Variants in MEIS2 observed in about 807,000 individuals in gnomAD.
MEIS2 encodes homeobox protein Meis2.
MEIS2 carries 9 observed loss-of-function variants against 58.6 expected under a neutral mutation model. That is an observed-to-expected ratio of 0.15 (90% confidence interval 0.09 to 0.27). The LOEUF (loss-of-function observed/expected upper bound fraction) is 0.27, where lower values mean the gene tolerates loss of function less well. MEIS2 is among the 10% of genes least tolerant of loss of function. The pLI, the probability that MEIS2 is intolerant of heterozygous loss-of-function variation, is 1.00. For missense variants in MEIS2, 427 were observed against 635.0 expected (o/e 0.67, Z 3.52); for synonymous variants, 221 against 228.4 (o/e 0.97, Z 0.29).
intron 7 of MEIS2, among the ~76,000 whole-genome samples, chr15:37,045,366 A>G (rs541350808): frequency 2.8e-4 from 43 of 152,310 alleles, no homozygotes; most frequent in Non-Finnish European, 4.9e-4. Flanking sequence ...CAGGATTACA[A>G]CACACTAAGA....
chr15:36,952,607 CTGTGTGTGTGTGTGTGTG>C lies in MEIS2; in HGVS notation c.901-2225_901-2208del, dbSNP rs59061267. Among the ~76,000 whole-genome samples, 28 of 140,094 alleles carry C rather than the reference CTGTGTGTGTGTGTGTGTG, an allele frequency of 2.0e-4. No individual in the cohort carries two copies. In the South Asian group the frequency reaches 6.3e-3, roughly 32 times the overall value. 91.9% of individuals were successfully genotyped at this position (140,094 alleles called of 152,430 possible). ...AGAGTCTGTCTGTCTGTCTCTCTCTCTGTGTGTGTGTGTGTGTGTGTGTGTGTGTGTGTGTGTGTGTGC... is the reference window on the plus strand; with the variant it reads ...AGAGTCTGTCTGTCTGTCTCTCTCTCTGTGTGTGTGTGTGTGTGTGTGTGC... On this transcript the variant is annotated intron_variant, in intron 8 of 11. Transcript: ENST00000561208.
Position 36,890,381 on chromosome 15 carries a change from T to C in MEIS2, c.*1792A>G, listed in dbSNP as rs1671834215. ...AAATGGCATTATACCGTCCATTTTG[T>C]TTTGTTTTGTTTTCAGAAAAAAGTT... is the stretch of plus-strand genomic sequence containing the variant. On this transcript the variant is annotated 3_prime_UTR_variant, in exon 12 of 12. Coordinates refer to ENST00000561208, the MANE Select transcript of MEIS2 (RefSeq NM_170675.5). 1 of 152,078 alleles carries C rather than the reference T, an allele frequency of 6.6e-6. No individual in the cohort carries two copies. Among genetic ancestry groups the C allele is most frequent in the Admixed American group, 6.6e-5 (1 of 15,242 alleles). The allele number at this position is 152,078 out of a possible 1,614,324, so 9.4% of individuals were successfully genotyped here.
Position 36,892,335 on chromosome 15 carries a change from T to G in MEIS2, c.1272A>C (p.Pro424=), listed in dbSNP as rs1367092545. ...PHPTQLRHGP[P]MHSYLPSHPH... is the part of the protein sequence containing the mutation. ...GATGGCTTGGCAAATATGAATGCATTGGGGGTCCATGTCTTAATTGAGTAG... is the reference window on the plus strand; with the variant it reads ...GATGGCTTGGCAAATATGAATGCATGGGGGGTCCATGTCTTAATTGAGTAG... Residue 424 remains proline, a synonymous_variant, in exon 12 of 12, where the codon CCA becomes CCC. Transcript: ENST00000561208. 2.5e-6 allele frequency: 4 copies of G among 1,613,798 alleles called. No homozygotes were observed. Among genetic ancestry groups the G allele is most frequent in the Non-Finnish European group, 3.4e-6 (4 of 1,179,916 alleles).
chr15:36,943,838 C>A (rs1435487997), intron 9 of MEIS2, among the ~76,000 whole-genome samples: 2 of 151,942 alleles, frequency 1.3e-5, no homozygotes, highest in Admixed American at 1.3e-4. Context: ...CCTTTGAGTC[C>A]CCTCGCTGGC....
At chr15:37,092,662 C>T (rs566555612) in intron 6 of MEIS2, among the ~76,000 whole-genome samples, 1 of 104,314 alleles carries the variant, frequency 9.6e-6, no homozygotes, top group South Asian at 3.5e-4. Flanking sequence ...CTTCTCTTTG[C>T]TTCTTTTTCA....
At chr15:37,084,682 A>G (rs772560692) in intron 6 of MEIS2, among the ~76,000 whole-genome samples, 1 of 152,168 alleles carries the variant, frequency 6.6e-6, no homozygotes, top group Non-Finnish European at 1.5e-5. Context: ...GCAAACCAAG[A>G]GTTATAGCTC....
chr15:37,037,946 C>T (rs1221706742), intron 7 of MEIS2, among the ~76,000 whole-genome samples: 1 of 152,132 alleles, frequency 6.6e-6, no homozygotes, highest in Non-Finnish European at 1.5e-5. Flanking sequence ...ATGAAGAATA[C>T]GGGGACAGCA....
Position 37,083,737 on chromosome 15 carries a change from C to G in MEIS2, c.754+34G>C. ...AATACTGAAGTTATTTTAGTCATGC[C>G]TACTTTGCACGAGGAAAATGTTTGA... On this transcript the variant is annotated intron_variant, in intron 7 of 11. Coordinates refer to ENST00000561208, the MANE Select transcript of MEIS2 (RefSeq NM_170675.5). The G allele has an allele frequency of 6.4e-6, 10 of 1,570,246 alleles. No individual in the cohort carries two copies. In the Middle Eastern group the frequency reaches 1.7e-3, roughly 265 times the overall value.
intron 9 of MEIS2, among the ~76,000 whole-genome samples, chr15:36,905,954 A>G (rs1041486551): frequency 1.3e-5 from 2 of 152,240 alleles, no homozygotes; most frequent in Non-Finnish European, 2.9e-5. Context: ...CATGAAGTCA[A>G]TTAAAGAAGT....
intron 7 of MEIS2, among the ~76,000 whole-genome samples, chr15:37,053,147 A>T (rs11858047): frequency 0.21 from 32,691 of 152,142 alleles, 3,649 homozygotes; most frequent in East Asian, 0.28. Flanking sequence ...TACCTGTGGT[A>T]AACCAGCCTA....
At chr15:36,943,024 C>T (rs956548363) in intron 9 of MEIS2, among the ~76,000 whole-genome samples, 1 of 151,888 alleles carries the variant, frequency 6.6e-6, no homozygotes, top group African/African-American at 2.4e-5. Flanking sequence ...TTTGAAAATT[C>T]CTTTTTTAAA....
At chr15:37,029,169 TA>T (rs2061816815) in intron 8 of MEIS2, among the ~76,000 whole-genome samples, 1 of 152,144 alleles carries the variant, frequency 6.6e-6, no homozygotes, top group Non-Finnish European at 1.5e-5. Context: ...AGGCTAAGGC[TA>T]GGGGCGGCCC....
intron 3 of MEIS2, 188 bp downstream of exon 3, chr15:37,096,101 A>G: frequency 1.7e-6 from 1 of 585,310 alleles, no homozygotes; most frequent in Non-Finnish European, 2.9e-6. Flanking sequence ...GGGAAAACAA[A>G]CACCCATATT....
chr15:36,928,770 A>G lies in MEIS2; in HGVS notation c.977+21554T>C, dbSNP rs185075663. On this transcript the variant is annotated intron_variant, in intron 9 of 11. Coordinates refer to ENST00000561208, the MANE Select transcript of MEIS2 (RefSeq NM_170675.5). ...AGAATGGTATGATTAGAACACAGTC[A>G]ATATTGTTTTTCTTGGCTTAGTTAG... 4.3e-3 allele frequency among the ~76,000 whole-genome samples: 652 copies of G among 152,340 alleles called. 2 individuals are homozygous for G. The highest frequency in any genetic ancestry group is 6.9e-3 in the Non-Finnish European group (472 of 68,026).
chr15:36,958,563 CA>C (rs1321798425), intron 8 of MEIS2, among the ~76,000 whole-genome samples: 3 of 152,050 alleles, frequency 2.0e-5, no homozygotes, highest in African/African-American at 7.2e-5. Flanking sequence ...TCTAAACTTC[CA>C]AAAAGGCAAC....
chr15:36,892,340 G>T lies in MEIS2; in HGVS notation c.1267C>A (p.Pro423Thr), dbSNP rs753026080. Reference sequence around the variant, plus strand: ...CTTGGCAAATATGAATGCATTGGGGGTCCATGTCTTAATTGAGTAGGGTGT... The same window carrying T: ...CTTGGCAAATATGAATGCATTGGGGTTCCATGTCTTAATTGAGTAGGGTGT... ...TPHPTQLRHG[P>T]PMHSYLPSHP... is the part of the protein sequence containing the mutation. Residue 423 changes from proline to threonine, a missense_variant, in exon 12 of 12, where the codon CCC becomes ACC. Transcript: ENST00000561208. The T allele has an allele frequency of 1.2e-6, 2 of 1,613,874 alleles. No individual in the cohort carries two copies. Among genetic ancestry groups the T allele is most frequent in the Non-Finnish European group, 1.7e-6 (2 of 1,179,952 alleles).
chr15:36,900,307 C>CA (rs1231418596), intron 9 of MEIS2, among the ~76,000 whole-genome samples: 29 of 152,202 alleles, frequency 1.9e-4, no homozygotes, highest in African/African-American at 6.5e-4. Flanking sequence ...TAAAGGGCTA[C>CA]ACATAATTTC....
intron 7 of MEIS2, among the ~76,000 whole-genome samples, chr15:37,063,807 A>G (rs1332447017): frequency 2.0e-5 from 3 of 152,208 alleles, no homozygotes; most frequent in South Asian, 2.1e-4. Context: ...TTCACATATC[A>G]CATTAGCTTT....
intron 7 of MEIS2, among the ~76,000 whole-genome samples, chr15:37,053,386 A>T (rs1335915950): frequency 6.6e-6 from 1 of 152,188 alleles, no homozygotes; most frequent in African/African-American, 2.4e-5. Flanking sequence ...GACCCAGTAG[A>T]ACACAATTTC....
Sources: gnomAD v4.1 joint callset for allele counts (sites outside exome capture counted in the v4.1 genomes callset) on GRCh38, gnomAD v4.1.1 for gene constraint, MANE v1.5 for transcripts, NCBI Gene and HGNC (gene_info 2026-07-23, HGNC 2026-07-21) for gene names.